Variants in MICAL2 observed in about 807,000 individuals in gnomAD.
MICAL2 encodes microtubule associated monooxygenase, calponin and LIM domain containing 2.
A neutral mutation model predicts 127.3 loss-of-function variants in MICAL2; 77 were observed. The observed-to-expected ratio is 0.60, with a 90% CI of 0.50 to 0.73. MICAL2 has a LOEUF of 0.73. MICAL2 is among the 30% of genes least tolerant of loss of function. MICAL2 has a pLI of 0.00. For missense variants in MICAL2, 1,351 were observed against 1,434.4 expected, an observed-to-expected ratio of 0.94 and a Z score of 0.94; for synonymous variants, 570 against 551.1, an observed-to-expected ratio of 1.03 and a Z score of -0.48.
chr11:12,326,084 C>A (rs1434291508), intron 31 of MICAL2, among the ~76,000 whole-genome samples: 1 of 152,194 alleles, frequency 6.6e-6, no homozygotes. Context: ...GGCCCCACCC[C>A]TCCCTGCTTG....
chr11:12,230,230 A>C (rs898966267), intron 15 of MICAL2, among the ~76,000 whole-genome samples: 3 of 152,182 alleles, frequency 2.0e-5, no homozygotes, highest in African/African-American at 7.2e-5. Flanking sequence ...CTTTGACCTC[A>C]ACATTTCCCA....
chr11:12,285,193 A>C (rs2134771426), intron 2 of MICAL2, among the ~76,000 whole-genome samples: 1 of 152,248 alleles, frequency 6.6e-6, no homozygotes, highest in South Asian at 2.1e-4. Flanking sequence ...GTGGGGGCTA[A>C]AAGACCAGAT....
intron 1 of MICAL2, among the ~76,000 whole-genome samples, chr11:12,115,817 T>C (rs1326481442): frequency 2.0e-5 from 3 of 152,154 alleles, no homozygotes; most frequent in East Asian, 1.9e-4. Flanking sequence ...TTTCAACCAA[T>C]TTGAAGTAGG....
At chr11:12,155,781 T>A (rs1565055071) in intron 2 of MICAL2, among the ~76,000 whole-genome samples, 1 of 152,186 alleles carries the variant, frequency 6.6e-6, no homozygotes, top group African/African-American at 2.4e-5. Flanking sequence ...CTGGTGAGAG[T>A]GCCTGGGTGG....
intron 32 of MICAL2, among the ~76,000 whole-genome samples, chr11:12,348,735 G>A (rs1283779454): frequency 1.3e-5 from 2 of 152,162 alleles, no homozygotes; most frequent in Non-Finnish European, 2.9e-5. Context: ...CTCTAGCTCT[G>A]CTGCTTACTG....
intron 1 of MICAL2, among the ~76,000 whole-genome samples, chr11:12,131,543 G>C (rs1416028644): frequency 2.0e-5 from 3 of 152,180 alleles, no homozygotes; most frequent in African/African-American, 7.2e-5. Flanking sequence ...GCTGTCTTCA[G>C]AAAGGCTTCC....
chr11:12,236,933 G>A (rs1280757488), intron 16 of MICAL2, among the ~76,000 whole-genome samples: 1 of 152,218 alleles, frequency 6.6e-6, no homozygotes, highest in Non-Finnish European at 1.5e-5. Context: ...CCTACTGGCT[G>A]ACCTCAAAAT....
intron 31 of MICAL2, among the ~76,000 whole-genome samples, chr11:12,325,513 A>C (rs958338511): frequency 6.6e-6 from 1 of 152,140 alleles, no homozygotes; most frequent in Non-Finnish European, 1.5e-5. Context: ...TATTTTCCTC[A>C]TGTTCTGGAG....
chr11:12,338,043 T>C (rs1938797331), intron 32 of MICAL2, among the ~76,000 whole-genome samples: 1 of 152,222 alleles, frequency 6.6e-6, no homozygotes, highest in Non-Finnish European at 1.5e-5. Context: ...TGTCTAATGT[T>C]GACAGTGGGG....
intron 6 of MICAL2, among the ~76,000 whole-genome samples, chr11:12,210,323 T>C (rs1855284732): frequency 6.6e-6 from 1 of 152,148 alleles, no homozygotes; most frequent in Admixed American, 6.5e-5. Flanking sequence ...CATGCTAAAT[T>C]GAGACCATGG....
intron 29 of MICAL2, among the ~76,000 whole-genome samples, chr11:12,302,424 A>C (rs1326578289): frequency 6.6e-6 from 1 of 152,152 alleles, no homozygotes; most frequent in African/African-American, 2.4e-5. Flanking sequence ...CCAACACTTG[A>C]TAGTCTCAGC....
chr11:12,356,150 C>A (rs901345575), intron 34 of MICAL2, among the ~76,000 whole-genome samples: 1 of 152,106 alleles, frequency 6.6e-6, no homozygotes, highest in African/African-American at 2.4e-5. Context: ...TAAAAAAATT[C>A]TTACTAAGAA....
At chr11:12,138,729 C>T (rs891870614) in intron 2 of MICAL2, among the ~76,000 whole-genome samples, 35 of 152,330 alleles carry the variant, frequency 2.3e-4, no homozygotes, top group African/African-American at 8.4e-4. Flanking sequence ...CAGACTCCCG[C>T]CTTCCTGTCT....
At chr11:12,222,533 AGGAAGGG>A in intron 10 of MICAL2, 77 bp from the exon 11 acceptor site, 1 of 1,567,236 alleles carries the variant, frequency 6.4e-7, no homozygotes, top group Non-Finnish European at 8.7e-7. Flanking sequence ...CTTGAGCCAG[AGGAAGGG>A]GGAAGTAGGG....
At chr11:12,260,681 GA>G (rs1862990251) in intron 26 of MICAL2, 2 of 985,592 alleles carry the variant, frequency 2.0e-6, no homozygotes, top group Admixed American at 1.2e-4. Context: ...TTTACAACAC[GA>G]AAGCATAATT....
chr11:12,314,114 A>G (rs1334778852), intron 29 of MICAL2, among the ~76,000 whole-genome samples: 1 of 151,832 alleles, frequency 6.6e-6, no homozygotes, highest in Non-Finnish European at 1.5e-5. Flanking sequence ...TGGGTTTCTG[A>G]AAATCCAATT....
At chr11:12,280,334 G>A (rs1863759262) in intron 1 of MICAL2, among the ~76,000 whole-genome samples, 1 of 152,200 alleles carries the variant, frequency 6.6e-6, no homozygotes, top group African/African-American at 2.4e-5. Flanking sequence ...TATTCAAACA[G>A]CTCCTCATGC....
intron 30 of MICAL2, among the ~76,000 whole-genome samples, chr11:12,321,929 T>C (rs1195895289): frequency 6.6e-6 from 1 of 152,068 alleles, no homozygotes; most frequent in Non-Finnish European, 1.5e-5. Context: ...GAGTAGGTCC[T>C]TGTTGTGTCT....
chr11:12,244,760 T>C (rs1237253041), intron 21 of MICAL2, among the ~76,000 whole-genome samples: 1 of 152,136 alleles, frequency 6.6e-6, no homozygotes, highest in African/African-American at 2.4e-5. Context: ...AGGCAGGGCT[T>C]ACGTGACATG....
Sources: allele counts gnomAD v4.1 joint callset (sites outside exome capture counted in the v4.1 genomes callset), GRCh38; gene constraint gnomAD v4.1.1; transcripts MANE v1.5; gene names NCBI Gene and HGNC (gene_info 2026-07-23, HGNC 2026-07-21).